LHFPL3: variants seen among roughly 807,000 people sequenced by gnomAD.
The protein encoded by LHFPL3 is LHFPL tetraspan subfamily member 3 protein.
LHFPL3 carries 5 observed loss-of-function variants against 19.3 expected under a neutral mutation model. That is an observed-to-expected ratio of 0.26 (90% CI 0.14 to 0.54). LHFPL3 has a LOEUF of 0.54. LHFPL3 is among the 20% of genes least tolerant of loss of function. The pLI is 0.94. For missense variants in LHFPL3, 249 were observed against 307.4 expected, an observed-to-expected ratio of 0.81 and a Z score of 1.42; for synonymous variants, 133 against 126.2, an observed-to-expected ratio of 1.05 and a Z score of -0.36.
intron 1 of LHFPL3, among the ~76,000 whole-genome samples, chr7:104,528,957 A>G (rs1794241392): frequency 1.3e-5 from 2 of 152,174 alleles, no homozygotes; most frequent in South Asian, 2.1e-4. Flanking sequence ...GGTCACTTTT[A>G]TGCATGGCTT....
At chr7:104,768,138 G>A (rs199551801) in intron 2 of LHFPL3, among the ~76,000 whole-genome samples, 22 of 23,984 alleles carry the variant, frequency 9.2e-4, no homozygotes, top group African/African-American at 3.7e-3. Flanking sequence ...GATTATTCTC[G>A]TGAAAAAAAA....
chr7:104,556,310 C>A (rs184047051), intron 1 of LHFPL3, among the ~76,000 whole-genome samples: 55 of 152,324 alleles, frequency 3.6e-4, no homozygotes, highest in Non-Finnish European at 5.1e-4. Context: ...CCCCCTGCAG[C>A]AAACTCTGCC....
intron 1 of LHFPL3, among the ~76,000 whole-genome samples, chr7:104,462,331 G>T (rs953764530): frequency 1.2e-4 from 19 of 152,136 alleles, no homozygotes; most frequent in African/African-American, 4.6e-4. Flanking sequence ...AGTGCTTCCA[G>T]CTTTTCCCCA....
intron 1 of LHFPL3, among the ~76,000 whole-genome samples, chr7:104,615,698 C>A (rs1791319773): frequency 6.6e-6 from 1 of 151,880 alleles, no homozygotes. Context: ...CTGACAGGCC[C>A]CAGTGTGTAA....
chr7:104,653,003 G>A (rs147355096), intron 1 of LHFPL3, among the ~76,000 whole-genome samples: 2,652 of 151,906 alleles, frequency 0.017, 44 homozygotes, highest in Middle Eastern at 0.034. Flanking sequence ...TTTCCACAGA[G>A]GCTGGGAGAC....
rs79392055 is a variant in LHFPL3 at position 104,673,499 on chromosome 7, G to T, written c.446-63176G>T. 6.0e-3 allele frequency among the ~76,000 whole-genome samples: 918 copies of T among 152,280 alleles called. 6 individuals are homozygous for T. The highest frequency in any genetic ancestry group is 9.1e-3 in the Non-Finnish European group (617 of 68,018). On this transcript the variant is annotated intron_variant, in intron 1 of 2. Coordinates refer to ENST00000424859, the MANE Select transcript of LHFPL3 (RefSeq NM_199000.3). ...CTTCTGGCTGGTAGTTACTGTCTTTGCACTTTTTGCATGGACTACATGAAA... is the reference window on the plus strand; with the variant it reads ...CTTCTGGCTGGTAGTTACTGTCTTTTCACTTTTTGCATGGACTACATGAAA...
intron 1 of LHFPL3, among the ~76,000 whole-genome samples, chr7:104,580,634 T>C (rs1368567405): frequency 1.3e-5 from 2 of 152,084 alleles, no homozygotes; most frequent in African/African-American, 4.8e-5. Flanking sequence ...CACTCCCCTG[T>C]AACTCAAACA....
At chr7:104,731,224 G>T (rs1199477207) in intron 1 of LHFPL3, among the ~76,000 whole-genome samples, 1 of 151,804 alleles carries the variant, frequency 6.6e-6, no homozygotes, top group Middle Eastern at 3.2e-3. Context: ...ACTTGGCGAT[G>T]TGGGCTCTTA....
intron 1 of LHFPL3, among the ~76,000 whole-genome samples, chr7:104,693,270 A>C (rs755176705): frequency 1.2e-4 from 18 of 152,348 alleles, no homozygotes; most frequent in Non-Finnish European, 2.1e-4. Flanking sequence ...GCCTGGTCCC[A>C]GATGAGACTA....
At chr7:104,354,575 G>C (rs1313851943) in intron 1 of LHFPL3, among the ~76,000 whole-genome samples, 1 of 152,162 alleles carries the variant, frequency 6.6e-6, no homozygotes, top group African/African-American at 2.4e-5. Flanking sequence ...CAGTCTGATT[G>C]TATAAACTGA....
At chr7:104,633,547 C>G (rs916930630) in intron 1 of LHFPL3, among the ~76,000 whole-genome samples, 1 of 152,150 alleles carries the variant, frequency 6.6e-6, no homozygotes, top group Non-Finnish European at 1.5e-5. Flanking sequence ...AATTTTGTTT[C>G]TTTGAGGAAA....
chr7:104,777,696 C>A (rs1794655930), intron 2 of LHFPL3, among the ~76,000 whole-genome samples: 1 of 152,160 alleles, frequency 6.6e-6, no homozygotes, highest in African/African-American at 2.4e-5. Context: ...CTGTGGAGAC[C>A]ATTTCACTGT....
intron 1 of LHFPL3, among the ~76,000 whole-genome samples, chr7:104,613,180 G>A (rs565883394): frequency 1.1e-4 from 17 of 152,224 alleles, no homozygotes; most frequent in African/African-American, 3.1e-4. Context: ...GCAAAGTACC[G>A]TCCTGCTTTT....
At chr7:104,837,882 C>T (rs375429492) in intron 2 of LHFPL3, among the ~76,000 whole-genome samples, 23 of 152,168 alleles carry the variant, frequency 1.5e-4, no homozygotes, top group East Asian at 3.8e-4. Flanking sequence ...CATTATTAGA[C>T]GTTCAATAAG....
intron 1 of LHFPL3, among the ~76,000 whole-genome samples, chr7:104,721,347 T>C (rs1032021559): frequency 6.6e-6 from 1 of 151,996 alleles, no homozygotes; most frequent in Non-Finnish European, 1.5e-5. Flanking sequence ...ATGAGATCAC[T>C]TGGACACAGG....
chr7:104,525,221 C>T (rs1188001441), intron 1 of LHFPL3, among the ~76,000 whole-genome samples: 2 of 152,182 alleles, frequency 1.3e-5, no homozygotes, highest in Admixed American at 1.3e-4. Flanking sequence ...GAAACAATTC[C>T]TCCACTTTTT....
intron 2 of LHFPL3, among the ~76,000 whole-genome samples, chr7:104,808,339 T>C (rs2116494695): frequency 6.6e-6 from 1 of 152,350 alleles, no homozygotes; most frequent in African/African-American, 2.4e-5. Context: ...TAATCTCATT[T>C]CAAAAATACT....
chr7:104,898,006 CTT>C (rs71155536), intron 2 of LHFPL3, among the ~76,000 whole-genome samples: 24 of 96,806 alleles, frequency 2.5e-4, no homozygotes, highest in African/African-American at 7.8e-4. Flanking sequence ...AATGTCACCC[CTT>C]TTTTTTTTTT....
intron 1 of LHFPL3, among the ~76,000 whole-genome samples, chr7:104,694,285 A>AAATTTACAGTACT (rs1368115756): frequency 6.6e-6 from 1 of 152,238 alleles, no homozygotes; most frequent in Non-Finnish European, 1.5e-5. Flanking sequence ...TTACAGTACT[A>AAATTTACAGTACT]AAATTTCCTA....
Sources: allele counts gnomAD v4.1 joint callset (sites outside exome capture counted in the v4.1 genomes callset), GRCh38; gene constraint gnomAD v4.1.1; transcripts MANE v1.5; gene names NCBI Gene and HGNC (gene_info 2026-07-23, HGNC 2026-07-21).